CIC: variants seen among roughly 807,000 people sequenced by gnomAD.
The protein encoded by CIC is capicua transcriptional repressor, also known as protein capicua homolog.
A neutral mutation model predicts 115.7 loss-of-function variants in CIC; 18 were observed. The observed-to-expected ratio is 0.16, with a 90% CI of 0.11 to 0.23. The LOEUF (loss-of-function observed/expected upper bound fraction) is 0.23, where lower values mean the gene tolerates loss of function less well. Ranked by LOEUF, CIC falls within the 10% of genes least tolerant of loss-of-function variation. The probability of loss-of-function intolerance (pLI) is 1.00; values close to 1 mark genes in which losing one functional copy is unlikely to be tolerated. For missense variants in CIC, 2,000 were observed against 2,159.3 expected, an observed-to-expected ratio of 0.93 and a Z score of 1.46; for synonymous variants, 1,076 against 923.0, an observed-to-expected ratio of 1.17 and a Z score of -3.01.
rs2036851137 is a variant in CIC, at chr19:42,273,198, C to T, written c.1415C>T (p.Thr472Met). 3 of 398,638 alleles carry T rather than the reference C, an allele frequency of 7.5e-6. No homozygotes were observed. Among genetic ancestry groups the T allele is most frequent in the East Asian group, 3.6e-5 (1 of 28,056 alleles). The allele number at this position is 398,638 out of a possible 1,614,324, so 24.7% of individuals were successfully genotyped here. The change falls in exon 2 of 21, where the codon ACG (threonine) becomes ATG (methionine). Residue 472 changes from threonine to methionine, a missense_variant. By Grantham distance (81) the Thr-to-Met change is moderately conservative. Around this residue, in one of 8 missense-constraint regions of CIC, gnomAD observed 222 missense variants for 247.7 expected, o/e 0.90. Coordinates refer to ENST00000681038, the MANE Select transcript of CIC (RefSeq NM_001386298.1). ...ACAGCACCGGCAGCCCGGGCCCGCACGCCACTGACAGCCGCCCAGCAGAAG... is the reference window on the plus strand; with the variant it reads ...ACAGCACCGGCAGCCCGGGCCCGCATGCCACTGACAGCCGCCCAGCAGAAG... ...KGTAPAARAR[T>M]PLTAAQQKYK...
chr19:42,289,224 C>T lies in CIC; in HGVS notation c.3905C>T (p.Thr1302Ile), dbSNP rs1192165372. The stretch of plus-strand genomic sequence containing the variant: ...TCGTACTCTGGCCCAAAGCCTTCTA[C>T]CCAGTATGGAGCTCCAGGACCCTTT... ...PASYSGPKPS[T>I]QYGAPGPFAA... The change falls in exon 9 of 21, where the codon ACC becomes ATC. Residue 1302 changes from threonine to isoleucine, a missense_variant. Thr to Ile is a moderately conservative substitution (Grantham distance 89). Transcript: ENST00000681038. The T allele has an allele frequency of 6.2e-7, 1 of 1,613,520 alleles. No individual in the cohort carries two copies. Among genetic ancestry groups the T allele is most frequent in the East Asian group, 2.2e-5 (1 of 44,886 alleles).
At chr19:42,283,573 G>A (rs2037365751) in intron 2 of CIC, among the ~76,000 whole-genome samples, 1 of 152,134 alleles carries the variant, frequency 6.6e-6, no homozygotes, top group Non-Finnish European at 1.5e-5. Flanking sequence ...GTGTGAGTGT[G>A]AGTAGGTGAG....
At chr19:42,293,429 G>A (rs930248639) in intron 16 of CIC, 148 bp downstream of exon 16, 34 of 1,366,950 alleles carry the variant, frequency 2.5e-5, no homozygotes, top group Admixed American at 2.2e-4. Flanking sequence ...TGCCTGTGTT[G>A]TCTCCTCTCC....
rs2038432890 is a variant in CIC at position 42,295,185 on chromosome 19, CAGGT to C, written c.7549_7552del (p.Arg2517GlufsTer11). 1 of 1,523,854 alleles carries C rather than the reference CAGGT, an allele frequency of 6.6e-7. No individual in the cohort carries two copies. The allele number at this position is 1,523,854 out of a possible 1,614,324, so 94.4% of individuals were successfully genotyped here. A position where few individuals can be genotyped will look rare whatever the true frequency, so the allele number is the denominator to read the frequency against. ...CAGGTCCCTCCACAGCTGCCACAGGCAGGTGAGGGACCCCTGAGAAGATGCCAGG... is the reference window on the plus strand; with the variant it reads ...CAGGTCCCTCCACAGCTGCCACAGGCGAGGGACCCCTGAGAAGATGCCAGG... On this transcript the variant is annotated frameshift_variant and stop_lost, in exon 21 of 21. Transcript: ENST00000681038. LOFTEE classifies it high-confidence loss of function.
chr19:42,285,565 C>T (rs1397408744), intron 2 of CIC, among the ~76,000 whole-genome samples: 2 of 152,232 alleles, frequency 1.3e-5, no homozygotes, highest in African/African-American at 2.4e-5. Flanking sequence ...CACAGAGCTC[C>T]CCCCTGTCCA....
chr19:42,277,242 G>C (rs2037017402), intron 2 of CIC, among the ~76,000 whole-genome samples: 1 of 152,184 alleles, frequency 6.6e-6, no homozygotes, highest in African/African-American at 2.4e-5. Flanking sequence ...AGAGAGCCAG[G>C]ATTTTGAGAC....
At chr19:42,279,563 G>A (rs1467659268) in intron 2 of CIC, among the ~76,000 whole-genome samples, 1 of 152,240 alleles carries the variant, frequency 6.6e-6, no homozygotes, top group African/African-American at 2.4e-5. Flanking sequence ...CAAAGACCAG[G>A]AAGAGTGAAA....
At position 42,292,976 on chromosome 19, in the gene CIC, T is replaced by C. The variant is rs776331727; in HGVS notation, c.6217T>C (p.Leu2073=). ...ACTAGCAGGTTCCATGACCTACAGC[T>C]TAGTGGCCCCCAAGGCCCAGCGGCC... is the stretch of plus-strand genomic sequence containing the variant. The part of the protein sequence containing the change: ...SATAGSMTYS[L]VAPKAQRPSP... The change falls in exon 16 of 21, where the codon TTA becomes CTA. Residue 2073 remains leucine (L), a synonymous_variant. Coordinates refer to ENST00000681038, the MANE Select transcript of CIC (RefSeq NM_001386298.1). 33 of 1,613,380 alleles carry C rather than the reference T, an allele frequency of 2.0e-5. No homozygotes were observed. The highest frequency in any genetic ancestry group is 3.3e-5 in the Admixed American group (2 of 59,990).
rs753117815 is a variant in CIC at position 42,289,942 on chromosome 19, G to A, written c.4182G>A (p.Glu1394=). ...GGGACAGCTCTGGGGAGGACCCAGA[G>A]GGCAACAAGGTGAGGGCTTGGGTCA... is the stretch of plus-strand genomic sequence containing the variant. ...ESGDSSGEDP[E]GNKGFGRKVF... Residue 1394 remains glutamate, a synonymous_variant, in exon 10 of 21, where the codon GAG becomes GAA. Coordinates refer to ENST00000681038, the MANE Select transcript of CIC (RefSeq NM_001386298.1). 6.2e-7 allele frequency: 1 copy of A among 1,604,240 alleles called. No homozygotes were observed. Among genetic ancestry groups the A allele is most frequent in the Non-Finnish European group, 8.5e-7 (1 of 1,175,500 alleles).
Position 42,294,754 on chromosome 19 carries a change from C to T in CIC, c.7186+19C>T. The T allele has an allele frequency of 6.2e-7, 1 of 1,612,266 alleles. No individual in the cohort carries two copies. The highest frequency in any genetic ancestry group is 1.1e-5 in the South Asian group (1 of 91,088). On this transcript the variant is annotated intron_variant, in intron 20 of 20. Transcript: ENST00000681038. ...CCGTCAGGTGAGCCTGTCTCGGAGT[C>T]TTGGGGTCACTCGGGTGGGACTTAT... is the stretch of plus-strand genomic sequence containing the variant.
At chr19:42,289,158 C>CCT in intron 8 of CIC, 23 bp from the exon 9 acceptor site, 2 of 1,613,224 alleles carry the variant, frequency 1.2e-6, no homozygotes, top group Non-Finnish European at 1.7e-6. Context: ...CCCGCTGAAC[C>CCT]CTCTCTGCCA....
chr19:42,287,481 C>G lies in CIC; in HGVS notation c.3309+32C>G, dbSNP rs2147192027. Reference sequence around the variant, plus strand: ...TATCCCTGCCTGTCCTGTGCTCACCCCGTGGCCACCCACACCTGTCTGCCA... The same window carrying G: ...TATCCCTGCCTGTCCTGTGCTCACCGCGTGGCCACCCACACCTGTCTGCCA... On this transcript the variant is annotated intron_variant, in intron 5 of 20. Transcript: ENST00000681038. This position sits in a 1 kb window ranked among gnomAD's most constrained non-coding sequence, Gnocchi z 8.7. The G allele has an allele frequency of 6.2e-7, 1 of 1,612,210 alleles. No individual in the cohort carries two copies. The highest frequency in any genetic ancestry group is 8.5e-7 in the Non-Finnish European group (1 of 1,180,024).
rs534326234 is a variant in CIC at position 42,270,843 on chromosome 19, G to A, written c.-10-931G>A. Among the ~76,000 whole-genome samples, 6 of 151,648 alleles carry A rather than the reference G, an allele frequency of 4.0e-5. No individual in the cohort carries two copies. Among genetic ancestry groups the A allele is most frequent in the South Asian group, 2.1e-4 (1 of 4,820 alleles). ...TGATGACGTGTGCGTGCTTCTGTGC[G>A]TGTGTGTGTGTTTGTGCGCGTGCGT... On this transcript the variant is annotated intron_variant, in intron 1 of 20. Coordinates refer to ENST00000681038, the MANE Select transcript of CIC (RefSeq NM_001386298.1). This position sits in a 1 kb window ranked among gnomAD's most constrained non-coding sequence, Gnocchi z 4.1.
Position 42,291,751 on chromosome 19 carries a change from G to A in CIC, c.5613+6G>A, listed in dbSNP as rs774438334. The A allele has an allele frequency of 1.2e-6, 2 of 1,612,964 alleles. No homozygotes were observed. Among genetic ancestry groups the A allele is most frequent in the Non-Finnish European group, 1.7e-6 (2 of 1,179,982 alleles). On this transcript the variant is annotated splice_donor_region_variant and intron_variant, in intron 12 of 20. Transcript: ENST00000681038. Reference sequence around the variant, plus strand: ...GTGCCCAGCCCCCCAGCAAGGTGAGGGCCTGCCTTTCTCTCTACCTGCTGG... The same window carrying A: ...GTGCCCAGCCCCCCAGCAAGGTGAGAGCCTGCCTTTCTCTCTACCTGCTGG...
chr19:42,291,198 C>G lies in CIC; in HGVS notation c.5157C>G (p.Ile1719Met). The G allele has an allele frequency of 6.2e-7, 1 of 1,610,320 alleles. No homozygotes were observed. The highest frequency in any genetic ancestry group is 1.3e-5 in the African/African-American group (1 of 74,904). The change falls in exon 11 of 21, where the codon ATC becomes ATG. Residue 1719 changes from isoleucine (I) to methionine (M), a missense_variant. Coordinates refer to ENST00000681038, the MANE Select transcript of CIC (RefSeq NM_001386298.1). ...CCAATGGGCCAGTACCCCTGGGCAT[C>G]CTGCAACCAGGTGCCCTGGGCAAGG... ...SGPNGPVPLG[I>M]LQPGALGKAG...
rs749109509 is a variant in CIC, at chr19:42,294,936, C to T, written c.7299C>T (p.Pro2433=). 10 of 1,600,350 alleles carry T rather than the reference C, an allele frequency of 6.2e-6. No homozygotes were observed. The highest frequency in any genetic ancestry group is 2.7e-5 in the African/African-American group (2 of 74,912). Residue 2433 remains proline, a synonymous_variant, in exon 21 of 21, where the codon CCC becomes CCT. Transcript: ENST00000681038. ...AGAAGATCATGCAGGCTGCCACTCC[C>T]ACGGAGCAGCCCCCTGGAGCTGAGG... ...VRQKIMQAAT[P]TEQPPGAEAP...
chr19:42,295,295 C>G lies in CIC; in HGVS notation c.*104C>G, dbSNP rs988237055. On this transcript the variant is annotated 3_prime_UTR_variant, in exon 21 of 21. Coordinates refer to ENST00000681038, the MANE Select transcript of CIC (RefSeq NM_001386298.1). ...CTCCCGGGTAAAGCCATTTCGTCCT[C>G]TCCAGTTTGGGGCGGAATGAGGCCT... is the stretch of plus-strand genomic sequence containing the variant. 21 of 1,075,560 alleles carry G rather than the reference C, an allele frequency of 2.0e-5. No individual in the cohort carries two copies. The African/African-American group carries it at 2.7e-4, about 14-fold the overall frequency. The allele number at this position is 1,075,560 out of a possible 1,614,324, so 66.6% of individuals were successfully genotyped here. A position where few individuals can be genotyped will look rare whatever the true frequency, so the allele number is the denominator to read the frequency against.
rs141081816 is a variant in CIC, at chr19:42,282,202, C to G, written c.2795-4569C>G. ...CCCCTCCAGGCTCACAGCCAAGTGTCTGGCCCTGCAGTCTCTGGAGGTCAG... is the reference window on the plus strand; with the variant it reads ...CCCCTCCAGGCTCACAGCCAAGTGTGTGGCCCTGCAGTCTCTGGAGGTCAG... On this transcript the variant is annotated intron_variant, in intron 2 of 20. Coordinates refer to ENST00000681038, the MANE Select transcript of CIC (RefSeq NM_001386298.1). Among the ~76,000 whole-genome samples, 103 of 152,362 alleles carry G rather than the reference C, an allele frequency of 6.8e-4. 2 individuals carry two copies. The East Asian group carries it at 0.019, about 29-fold the overall frequency.
chr19:42,286,720 G>C (rs543886238), intron 2 of CIC, 51 bp from the exon 3 acceptor site: 1 of 1,612,342 alleles, frequency 6.2e-7, no homozygotes, highest in African/African-American at 1.3e-5. Context: ...CTTGAGTTGG[G>C]GTTGGGGCCA....
Sources: allele counts gnomAD v4.1 joint callset (sites outside exome capture counted in the v4.1 genomes callset), GRCh38; gene constraint gnomAD v4.1.1; regional missense constraint gnomAD v4.1.1; non-coding constraint Gnocchi (gnomAD v3.1); transcripts MANE v1.5; gene names NCBI Gene and HGNC (gene_info 2026-07-23, HGNC 2026-07-21).